CTNND2: variants seen among roughly 807,000 people sequenced by gnomAD.
CTNND2 encodes the protein catenin delta 2, also known as catenin delta-2.
A neutral mutation model predicts 144.4 loss-of-function variants in CTNND2; 22 were observed. The ratio of observed to expected loss-of-function variants is 0.15; its 90% confidence interval spans 0.11 to 0.22. The LOEUF (loss-of-function observed/expected upper bound fraction) is 0.22. CTNND2 is among the 10% of genes least tolerant of loss of function. The pLI is 1.00. For missense variants in CTNND2, 1,353 were observed against 1,618.8 expected, an observed-to-expected ratio of 0.84 and a Z score of 2.82; for synonymous variants, 751 against 695.6, an observed-to-expected ratio of 1.08 and a Z score of -1.25.
chr5:11,070,529 C>A (rs1748144543), intron 16 of CTNND2, among the ~76,000 whole-genome samples: 1 of 151,964 alleles, frequency 6.6e-6, no homozygotes, highest in Admixed American at 6.6e-5. Flanking sequence ...CCCAGAAGGA[C>A]AGGAAAGTGA....
chr5:11,383,481 T>C (rs909189072), intron 7 of CTNND2, among the ~76,000 whole-genome samples: 1 of 152,160 alleles, frequency 6.6e-6, no homozygotes, highest in Non-Finnish European at 1.5e-5. Flanking sequence ...AAAAATTCTA[T>C]TTGAGAGAGA....
intron 3 of CTNND2, among the ~76,000 whole-genome samples, chr5:11,447,505 T>C (rs943171413): frequency 5.3e-5 from 8 of 152,198 alleles, no homozygotes; most frequent in African/African-American, 1.7e-4. Flanking sequence ...TAACTATTTA[T>C]TTATTACCCA....
intron 18 of CTNND2, among the ~76,000 whole-genome samples, chr5:11,004,634 G>A (rs1363986684): frequency 2.6e-5 from 4 of 152,034 alleles, no homozygotes; most frequent in Admixed American, 6.6e-5. Flanking sequence ...ATGGTGGCAC[G>A]TGCCTATAAT....
At chr5:11,476,777 T>C (rs959364695) in intron 3 of CTNND2, among the ~76,000 whole-genome samples, 1 of 152,222 alleles carries the variant, frequency 6.6e-6, no homozygotes, top group Non-Finnish European at 1.5e-5. Context: ...CAAAGTATTT[T>C]AACACTCCTT....
chr5:11,543,693 C>A (rs2150073040), intron 3 of CTNND2, among the ~76,000 whole-genome samples: 1 of 151,132 alleles, frequency 6.6e-6, no homozygotes, highest in Admixed American at 6.6e-5. Flanking sequence ...AATGGAATTC[C>A]ATTCAATTAA....
intron 12 of CTNND2, 34 bp downstream of exon 12, chr5:11,159,542 T>C (rs768075195): frequency 5.2e-6 from 8 of 1,542,648 alleles, no homozygotes; most frequent in East Asian, 4.7e-5. Flanking sequence ...CAGGGGAAGA[T>C]GGTGGGAGGA....
intron 9 of CTNND2, among the ~76,000 whole-genome samples, chr5:11,281,758 A>G (rs2149997619): frequency 6.6e-6 from 1 of 152,272 alleles, no homozygotes; most frequent in South Asian, 2.1e-4. Flanking sequence ...TTTCATGTCT[A>G]AATTTCCTCT....
chr5:11,458,951 G>A (rs1322301861), intron 3 of CTNND2, among the ~76,000 whole-genome samples: 4 of 149,904 alleles, frequency 2.7e-5, no homozygotes, highest in Non-Finnish European at 3.0e-5. Flanking sequence ...TTTTTTTTTG[G>A]TAGAGATGGC....
intron 10 of CTNND2, among the ~76,000 whole-genome samples, chr5:11,235,171 G>C (rs1289524284): frequency 6.6e-6 from 1 of 152,128 alleles, no homozygotes; most frequent in Non-Finnish European, 1.5e-5. Context: ...ATCAATTCAT[G>C]CTAACGATGA....
chr5:11,263,105 G>A (rs1298125720), intron 9 of CTNND2, among the ~76,000 whole-genome samples: 2 of 152,158 alleles, frequency 1.3e-5, no homozygotes, highest in African/African-American at 4.8e-5. Context: ...CTGTGTGTAT[G>A]ACAAGAGAAC....
intron 1 of CTNND2, among the ~76,000 whole-genome samples, chr5:11,824,018 G>A (rs1358430013): frequency 2.0e-5 from 3 of 147,320 alleles, no homozygotes; most frequent in Non-Finnish European, 4.4e-5. Context: ...TAGGGGAATC[G>A]CTTGAACCGG....
intron 3 of CTNND2, among the ~76,000 whole-genome samples, chr5:11,512,730 A>T (rs1016241508): frequency 2.0e-5 from 3 of 152,172 alleles, no homozygotes; most frequent in African/African-American, 7.2e-5. Context: ...ATAGGGCTCC[A>T]GGGGAATGAG....
chr5:11,324,126 G>C (rs1752308749), intron 9 of CTNND2, among the ~76,000 whole-genome samples: 1 of 152,150 alleles, frequency 6.6e-6, no homozygotes, highest in East Asian at 1.9e-4. Flanking sequence ...TCTGTCTTAG[G>C]TATTTTCTGA....
chr5:11,841,428 A>G (rs1794467191), intron 1 of CTNND2, among the ~76,000 whole-genome samples: 1 of 152,242 alleles, frequency 6.6e-6, no homozygotes, highest in African/African-American at 2.4e-5. Context: ...TGTTTAGGTC[A>G]TAAGTTGATT....
At chr5:11,339,302 T>A (rs1754018065) in intron 9 of CTNND2, among the ~76,000 whole-genome samples, 1 of 152,276 alleles carries the variant, frequency 6.6e-6, no homozygotes, top group South Asian at 2.1e-4. Context: ...CCTCATTTTT[T>A]AATGAGCTTT....
At chr5:11,193,940 G>C (rs1225512495) in intron 11 of CTNND2, among the ~76,000 whole-genome samples, 1 of 152,184 alleles carries the variant, frequency 6.6e-6, no homozygotes, top group African/African-American at 2.4e-5. Context: ...GATAATATCT[G>C]TAAACATATT....
intron 16 of CTNND2, among the ~76,000 whole-genome samples, chr5:11,073,006 C>T (rs865929514): frequency 6.6e-6 from 1 of 152,232 alleles, no homozygotes; most frequent in Non-Finnish European, 1.5e-5. Flanking sequence ...AACCCAATTA[C>T]AGCTGTCCTT....
intron 12 of CTNND2, among the ~76,000 whole-genome samples, chr5:11,126,258 G>A (rs569224770): frequency 2.6e-5 from 4 of 152,204 alleles, no homozygotes; most frequent in African/African-American, 4.8e-5. Flanking sequence ...CTGAGATCAC[G>A]CCATTGCACT....
intron 1 of CTNND2, among the ~76,000 whole-genome samples, chr5:11,832,985 C>T (rs983744619): frequency 2.0e-5 from 3 of 152,054 alleles, no homozygotes; most frequent in East Asian, 1.9e-4. Context: ...ATATATTCCA[C>T]ACAGTGCTAC....
Sources: gnomAD v4.1 joint callset for allele counts (sites outside exome capture counted in the v4.1 genomes callset) on GRCh38, gnomAD v4.1.1 for gene constraint, MANE v1.5 for transcripts, NCBI Gene and HGNC (gene_info 2026-07-23, HGNC 2026-07-21) for gene names.